PIK3CB: variants seen among roughly 807,000 people sequenced by gnomAD.
PIK3CB encodes phosphatidylinositol-4,5-bisphosphate 3-kinase catalytic subunit beta, also known as phosphatidylinositol 4,5-bisphosphate 3-kinase catalytic subunit beta isoform.
A neutral mutation model predicts 136.8 loss-of-function variants in PIK3CB; 39 were observed. That is an observed-to-expected ratio of 0.29 (90% CI 0.22 to 0.37). The LOEUF is 0.37. Ranked by LOEUF, PIK3CB falls within the 10% of genes least tolerant of loss-of-function variation. PIK3CB has a pLI of 1.00. For synonymous variants in PIK3CB, 428 were observed against 436.6 expected (o/e 0.98, Z 0.25); for missense variants, 868 against 1,275.4 (o/e 0.68, Z 4.87).
chr3:138,828,971 T>G (rs1203985901), intron 1 of PIK3CB, among the ~76,000 whole-genome samples: 1 of 147,636 alleles, frequency 6.8e-6, no homozygotes, highest in Non-Finnish European at 1.5e-5. Context: ...TTTTTTTTTT[T>G]TTGTATTTTT....
chr3:138,663,553 T>C (rs1000440670), intron 21 of PIK3CB, among the ~76,000 whole-genome samples: 1 of 152,092 alleles, frequency 6.6e-6, no homozygotes, highest in Non-Finnish European at 1.5e-5. Context: ...GGCTAATTTT[T>C]ATATTTTTAG....
chr3:138,811,684 G>C (rs535108573), intron 1 of PIK3CB, among the ~76,000 whole-genome samples: 1 of 151,910 alleles, frequency 6.6e-6, no homozygotes, highest in Non-Finnish European at 1.5e-5. Flanking sequence ...TCGGCCTCCC[G>C]AAGTGCTGGG....
intron 1 of PIK3CB, among the ~76,000 whole-genome samples, chr3:138,827,737 T>C (rs1277345782): frequency 6.7e-6 from 1 of 149,964 alleles, no homozygotes; most frequent in Admixed American, 6.7e-5. Context: ...CCCAGGACTT[T>C]GGGAGGCCGA....
intron 9 of PIK3CB, among the ~76,000 whole-genome samples, chr3:138,713,371 T>C (rs6781352): frequency 2.0e-5 from 3 of 151,402 alleles, no homozygotes; most frequent in Admixed American, 6.6e-5. Flanking sequence ...TATATTCCCA[T>C]GTTAAGAATA....
rs2305268 is a variant in PIK3CB at position 138,665,231 on chromosome 3, C to T, written c.2505-28G>A. On this transcript the variant is annotated intron_variant, in intron 19 of 23. Coordinates refer to ENST00000674063, the MANE Select transcript of PIK3CB (RefSeq NM_006219.3). ...GGAAGGAAAAAAATGGGCATAGAGT[C>T]ATATTTTCCTTAAAATGAAACATTA... The T allele has an allele frequency of 0.039, 57,669 of 1,482,926 alleles. 5,345 individuals are homozygous for T. In the East Asian group the frequency reaches 0.44, roughly 11 times the overall value. The allele number at this position is 1,482,926 out of a possible 1,614,324, so 91.9% of individuals were successfully genotyped here.
At chr3:138,815,176 TAC>T (rs1158617019) in intron 1 of PIK3CB, among the ~76,000 whole-genome samples, 43 of 92,946 alleles carry the variant, frequency 4.6e-4, no homozygotes, top group African/African-American at 1.8e-3. Context: ...TATATATATA[TAC>T]ATATATATAT....
At chr3:138,788,322 T>G (rs568038589) in intron 2 of PIK3CB, among the ~76,000 whole-genome samples, 1 of 152,312 alleles carries the variant, frequency 6.6e-6, no homozygotes, top group Admixed American at 6.5e-5. Context: ...AACATTCTTT[T>G]AAGGAAATAA....
chr3:138,712,136 A>G (rs957278053), intron 10 of PIK3CB, 72 bp downstream of exon 10: 13 of 617,940 alleles, frequency 2.1e-5, no homozygotes, highest in Non-Finnish European at 3.7e-5. Context: ...ACGGTGATTC[A>G]TAAATATTAC....
At chr3:138,786,410 T>A (rs2045982282) in intron 2 of PIK3CB, among the ~76,000 whole-genome samples, 1 of 152,082 alleles carries the variant, frequency 6.6e-6, no homozygotes, top group Non-Finnish European at 1.5e-5. Context: ...GGCTGGAGTA[T>A]AATGACGCGA....
intron 1 of PIK3CB, among the ~76,000 whole-genome samples, chr3:138,810,009 A>C (rs141681647): frequency 3.9e-4 from 60 of 152,240 alleles, no homozygotes; most frequent in African/African-American, 1.4e-3. Flanking sequence ...AAAGTGTTCA[A>C]ACACACACAT....
chr3:138,812,466 A>T (rs1171907509), intron 1 of PIK3CB, among the ~76,000 whole-genome samples: 1 of 150,804 alleles, frequency 6.6e-6, no homozygotes, highest in Non-Finnish European at 1.5e-5. Flanking sequence ...TGAACTCCTG[A>T]TCTCGTGATC....
chr3:138,745,612 G>A (rs187278482), intron 4 of PIK3CB, among the ~76,000 whole-genome samples: 6 of 152,020 alleles, frequency 3.9e-5, no homozygotes, highest in East Asian at 1.9e-4. Flanking sequence ...CAGCCTGGGC[G>A]ATGAAGTGAG....
At chr3:138,778,194 C>A in intron 2 of PIK3CB, 1 of 458,136 alleles carries the variant, frequency 2.2e-6, no homozygotes, top group South Asian at 1.5e-5. Flanking sequence ...TCTCTGCCCC[C>A]TCTGCTGATG....
At chr3:138,668,786 G>A (rs1475339616) in intron 19 of PIK3CB, among the ~76,000 whole-genome samples, 5 of 152,104 alleles carry the variant, frequency 3.3e-5, no homozygotes, top group African/African-American at 2.4e-5. Flanking sequence ...ATCCATCACT[G>A]TAGCAACACA....
chr3:138,781,455 A>G (rs1007413163), intron 2 of PIK3CB, among the ~76,000 whole-genome samples: 1 of 149,664 alleles, frequency 6.7e-6, no homozygotes, highest in Non-Finnish European at 1.5e-5. Flanking sequence ...TCTCTACAGA[A>G]ATTTTTTTTT....
chr3:138,751,734 C>CTTAA (rs2045475749), intron 4 of PIK3CB, among the ~76,000 whole-genome samples: 1 of 151,908 alleles, frequency 6.6e-6, no homozygotes, highest in African/African-American at 2.4e-5. Context: ...CTTTGGAAGG[C>CTTAA]TTAAGGTAGG....
chr3:138,803,060 C>T (rs1468325312), intron 1 of PIK3CB, among the ~76,000 whole-genome samples: 5 of 152,168 alleles, frequency 3.3e-5, no homozygotes, highest in African/African-American at 1.2e-4. Flanking sequence ...GGTATGACCA[C>T]ATTAGATCAG....
chr3:138,700,975 A>T (rs541471977), intron 12 of PIK3CB, among the ~76,000 whole-genome samples: 271 of 152,160 alleles, frequency 1.8e-3, no homozygotes, highest in Admixed American at 5.0e-3. Context: ...TACTAGAAAA[A>T]CCTAGCAGAC....
At chr3:138,804,156 A>C (rs913332565) in intron 1 of PIK3CB, among the ~76,000 whole-genome samples, 11 of 151,934 alleles carry the variant, frequency 7.2e-5, no homozygotes, top group Admixed American at 4.6e-4. Context: ...AAATTTTTTA[A>C]AAAAAGAAGA....
Sources: gnomAD v4.1 joint callset for allele counts (sites outside exome capture counted in the v4.1 genomes callset) on GRCh38, gnomAD v4.1.1 for gene constraint, MANE v1.5 for transcripts, NCBI Gene and HGNC (gene_info 2026-07-23, HGNC 2026-07-21) for gene names.